Variants in FHOD3 observed in about 807,000 individuals in gnomAD.
The protein encoded by FHOD3 is FH1/FH2 domain-containing protein 3.
In FHOD3, 90 loss-of-function variants were observed where a neutral mutation model predicts 173.0. The ratio of observed to expected loss-of-function variants is 0.52; its 90% CI spans 0.44 to 0.62. The LOEUF is 0.62. Among genes scored for constraint, FHOD3 ranks in the 20% least tolerant of loss-of-function variants. The probability of loss-of-function intolerance (pLI) is 0.00; values close to 1 mark genes in which losing one functional copy is unlikely to be tolerated. For missense variants in FHOD3, 1,945 were observed against 2,034.7 expected (o/e 0.96, Z 0.85); for synonymous variants, 828 against 823.0 (o/e 1.01, Z -0.10).
At chr18:36,489,573 A>G (rs1409001331) in intron 3 of FHOD3, among the ~76,000 whole-genome samples, 1 of 152,008 alleles carries the variant, frequency 6.6e-6, no homozygotes, top group Non-Finnish European at 1.5e-5. Flanking sequence ...TTGGGACGCT[A>G]AGGTGGGAGG....
At chr18:36,479,531 GTCC>G (rs1372773120) in intron 3 of FHOD3, among the ~76,000 whole-genome samples, 1 of 152,084 alleles carries the variant, frequency 6.6e-6, no homozygotes, top group Non-Finnish European at 1.5e-5. Flanking sequence ...CCTTGCATCT[GTCC>G]TAACAGTAGC....
chr18:36,589,738 A>C (rs185713220), intron 6 of FHOD3, among the ~76,000 whole-genome samples: 1 of 152,230 alleles, frequency 6.6e-6, no homozygotes, highest in East Asian at 1.9e-4. Flanking sequence ...CCTCTCCACC[A>C]GCTTGGTTGT....
At chr18:36,613,715 C>T (rs2032924095) in intron 9 of FHOD3, among the ~76,000 whole-genome samples, 1 of 152,132 alleles carries the variant, frequency 6.6e-6, no homozygotes, top group South Asian at 2.1e-4. Context: ...TCTCTGTTGC[C>T]CAGGCTAGAG....
At chr18:36,685,381 C>CA (rs2038539731) in intron 15 of FHOD3, among the ~76,000 whole-genome samples, 1 of 152,224 alleles carries the variant, frequency 6.6e-6, no homozygotes, top group African/African-American at 2.4e-5. Flanking sequence ...AAAAGAAATT[C>CA]AAAAAATAAA....
chr18:36,305,768 G>T (rs2144537040), intron 1 of FHOD3, among the ~76,000 whole-genome samples: 1 of 152,312 alleles, frequency 6.6e-6, no homozygotes, highest in Admixed American at 6.5e-5. Context: ...AGAAAACGAG[G>T]AGGAGGGTCC....
intron 18 of FHOD3, chr18:36,710,780 A>G (rs1310691123): frequency 6.6e-6 from 1 of 152,168 alleles, no homozygotes; most frequent in Non-Finnish European, 1.5e-5. Context: ...TAGTCCCCCA[A>G]ATTCTTCTTA....
intron 14 of FHOD3, among the ~76,000 whole-genome samples, chr18:36,671,121 T>C (rs1373954580): frequency 2.0e-5 from 3 of 152,246 alleles, no homozygotes; most frequent in African/African-American, 7.2e-5. Flanking sequence ...ACCTAGTTAC[T>C]TGAGGGAAAC....
At chr18:36,711,568 G>A (rs1182885299) in intron 18 of FHOD3, 3 of 152,188 alleles carry the variant, frequency 2.0e-5, no homozygotes, top group Non-Finnish European at 4.4e-5. Flanking sequence ...TCCTAGCAGG[G>A]TCTCACAAAA....
intron 3 of FHOD3, among the ~76,000 whole-genome samples, chr18:36,386,712 G>T (rs1159458196): frequency 6.6e-6 from 1 of 152,234 alleles, no homozygotes. Context: ...CAGCTGGGCT[G>T]CAAGTTCTAG....
chr18:36,641,326 C>T (rs942398334), intron 10 of FHOD3, among the ~76,000 whole-genome samples: 7 of 152,116 alleles, frequency 4.6e-5, no homozygotes, highest in South Asian at 2.1e-4. Flanking sequence ...AGGAGGTTCA[C>T]GAAGGGAAAG....
intron 3 of FHOD3, among the ~76,000 whole-genome samples, chr18:36,425,729 C>A (rs1192428938): frequency 6.6e-6 from 1 of 151,912 alleles, no homozygotes; most frequent in East Asian, 1.9e-4. Context: ...ACCAGTCATG[C>A]ATATTTAATA....
intron 19 of FHOD3, among the ~76,000 whole-genome samples, chr18:36,727,319 A>C (rs1379471566): frequency 6.6e-6 from 1 of 152,154 alleles, no homozygotes; most frequent in Non-Finnish European, 1.5e-5. Flanking sequence ...TGCTCTTGTA[A>C]GTGCTGCTTT....
intron 10 of FHOD3, among the ~76,000 whole-genome samples, chr18:36,636,618 T>C (rs1231211845): frequency 6.6e-6 from 1 of 151,658 alleles, no homozygotes; most frequent in Non-Finnish European, 1.5e-5. Flanking sequence ...TCAATTACCA[T>C]ATCCACATGG....
intron 21 of FHOD3, 73 bp downstream of exon 21, chr18:36,740,911 T>C: frequency 1.4e-6 from 2 of 1,396,160 alleles, no homozygotes; most frequent in Non-Finnish European, 1.9e-6. Flanking sequence ...CATTGATCAG[T>C]ACTAAGGCAG....
chr18:36,398,046 C>T (rs1199311599), intron 3 of FHOD3, among the ~76,000 whole-genome samples: 6 of 151,010 alleles, frequency 4.0e-5, no homozygotes, highest in Non-Finnish European at 7.4e-5. Context: ...CAAAGAAACA[C>T]TGGGGTTCTT....
chr18:36,714,337 G>A (rs1394088509), intron 18 of FHOD3, among the ~76,000 whole-genome samples: 2 of 152,130 alleles, frequency 1.3e-5, no homozygotes, highest in Non-Finnish European at 2.9e-5. Flanking sequence ...AGGGGTTCGA[G>A]ACCAGCCTGG....
intron 3 of FHOD3, among the ~76,000 whole-genome samples, chr18:36,399,932 T>A (rs1458549635): frequency 6.6e-6 from 1 of 152,178 alleles, no homozygotes. Flanking sequence ...CAGGCAGAAT[T>A]TGACTTTGCT....
chr18:36,387,029 AT>A lies in FHOD3; in HGVS notation c.337+14290del, dbSNP rs531982413. Among the ~76,000 whole-genome samples, 23 of 152,234 alleles carry A rather than the reference AT, an allele frequency of 1.5e-4. 1 individual carries two copies. The East Asian group carries it at 4.4e-3, about 29-fold the overall frequency. ...AAGGCAGCCTTCCTTTGGAATATCTATTTTTCTTTCTTAAACAAATGGCTTA... is the reference window on the plus strand; with the variant it reads ...AAGGCAGCCTTCCTTTGGAATATCTATTTTCTTTCTTAAACAAATGGCTTA... On this transcript the variant is annotated intron_variant, in intron 3 of 28. Transcript: ENST00000590592.
chr18:36,482,803 C>T (rs141120948), intron 3 of FHOD3, among the ~76,000 whole-genome samples: 5 of 146,614 alleles, frequency 3.4e-5, no homozygotes, highest in East Asian at 4.3e-4. Context: ...GAGTCTATTC[C>T]GAGATCATCC....
Sources: allele counts gnomAD v4.1 joint callset (sites outside exome capture counted in the v4.1 genomes callset), GRCh38; gene constraint gnomAD v4.1.1; transcripts MANE v1.5; gene names NCBI Gene and HGNC (gene_info 2026-07-23, HGNC 2026-07-21).